The following SLC41A2 variants were observed in gnomAD, a reference collection of about 807,000 sequenced individuals.
SLC41A2 encodes SLC41A1-like 1.
SLC41A2 carries 32 observed loss-of-function variants against 58.3 expected under a neutral mutation model. The observed-to-expected ratio is 0.55, with a 90% CI of 0.41 to 0.74. SLC41A2 has a LOEUF of 0.74. SLC41A2 is among the 30% of genes least tolerant of loss of function. The pLI is 0.00. For synonymous variants in SLC41A2, 190 were observed against 235.0 expected (o/e 0.81, Z 1.75); for missense variants, 514 against 680.6 (o/e 0.76, Z 2.72).
chr12:104,881,917 T>G (rs1307591193), intron 6 of SLC41A2, among the ~76,000 whole-genome samples: 1 of 152,198 alleles, frequency 6.6e-6, no homozygotes, highest in East Asian at 1.9e-4. Flanking sequence ...CAGTGGGGTG[T>G]TAAAATCTCC....
At chr12:104,908,534 G>A (rs572850679) in intron 3 of SLC41A2, among the ~76,000 whole-genome samples, 10 of 152,024 alleles carry the variant, frequency 6.6e-5, no homozygotes, top group African/African-American at 2.2e-4. Context: ...TTCTTTAAAG[G>A]AAAAAAACTT....
intron 2 of SLC41A2, among the ~76,000 whole-genome samples, chr12:104,911,486 G>T (rs1282078950): frequency 6.6e-6 from 1 of 152,118 alleles, no homozygotes; most frequent in East Asian, 1.9e-4. Context: ...CATTTTACAA[G>T]TGCTATTAAG....
In SLC41A2 at chr12:104,881,680, T is replaced by C. The variant is rs146598542; in HGVS notation, c.1027+4613A>G. Among the ~76,000 whole-genome samples, 36 of 152,266 alleles carry C rather than the reference T, an allele frequency of 2.4e-4. No homozygotes were observed. The East Asian group carries it at 4.8e-3, about 20-fold the overall frequency. ...AATGATTGCACTGTGGTCTGAGAGA[T>C]AGTTTGTTATGATTTCTGTTCTTTC... On this transcript the variant is annotated intron_variant, in intron 6 of 10. Transcript: ENST00000258538.
intron 10 of SLC41A2, among the ~76,000 whole-genome samples, chr12:104,827,936 G>A (rs1261325481): frequency 6.6e-6 from 1 of 151,804 alleles, no homozygotes; most frequent in Non-Finnish European, 1.5e-5. Flanking sequence ...GTGTAGAGGA[G>A]GGCATAGTCC....
chr12:104,808,102 T>A (rs1459526041), intron 10 of SLC41A2, among the ~76,000 whole-genome samples: 1 of 152,190 alleles, frequency 6.6e-6, no homozygotes, highest in Non-Finnish European at 1.5e-5. Context: ...TCCAACACTA[T>A]GTTGAATAGG....
At chr12:104,908,483 T>C (rs573368405) in intron 3 of SLC41A2, among the ~76,000 whole-genome samples, 1 of 152,322 alleles carries the variant, frequency 6.6e-6, no homozygotes, top group South Asian at 2.1e-4. Flanking sequence ...ACATAAATTT[T>C]TTCCTAATTG....
chr12:104,837,101 A>G (rs1438753048), intron 10 of SLC41A2, among the ~76,000 whole-genome samples: 1 of 152,170 alleles, frequency 6.6e-6, no homozygotes, highest in Non-Finnish European at 1.5e-5. Flanking sequence ...CTGTTAATTA[A>G]ATCACAGAGG....
At chr12:104,881,100 C>A (rs1282885902) in intron 6 of SLC41A2, among the ~76,000 whole-genome samples, 1 of 152,106 alleles carries the variant, frequency 6.6e-6, no homozygotes, top group Non-Finnish European at 1.5e-5. Flanking sequence ...AGTTTATTTG[C>A]GTAGAGGTGT....
chr12:104,876,187 T>C (rs2044032843), intron 6 of SLC41A2, among the ~76,000 whole-genome samples: 1 of 152,154 alleles, frequency 6.6e-6, no homozygotes, highest in Non-Finnish European at 1.5e-5. Flanking sequence ...GCTAAGGCTT[T>C]GTCACTCTTA....
At chr12:104,868,301 T>G (rs2043576458) in intron 6 of SLC41A2, among the ~76,000 whole-genome samples, 1 of 152,124 alleles carries the variant, frequency 6.6e-6, no homozygotes, top group Non-Finnish European at 1.5e-5. Flanking sequence ...TGAAAACCAC[T>G]AAACACAAAT....
chr12:104,865,165 T>C (rs2043377749), intron 7 of SLC41A2, among the ~76,000 whole-genome samples: 2 of 152,156 alleles, frequency 1.3e-5, no homozygotes, highest in Non-Finnish European at 2.9e-5. Context: ...AAATGAATTA[T>C]CTAATTTTTT....
Position 104,804,646 on chromosome 12 carries a change from A to G in SLC41A2, c.*506T>C, listed in dbSNP as rs1304899509. On this transcript the variant is annotated 3_prime_UTR_variant, in exon 11 of 11. Coordinates refer to ENST00000258538, the MANE Select transcript of SLC41A2 (RefSeq NM_001352171.3). ...GCAAAACATATTTAGGTCAGTTTAAATATGAGCAACTGGTAAATTTATCCT... is the reference window on the plus strand; with the variant it reads ...GCAAAACATATTTAGGTCAGTTTAAGTATGAGCAACTGGTAAATTTATCCT... 1 of 152,682 alleles carries G rather than the reference A, an allele frequency of 6.5e-6. No individual in the cohort carries two copies. The highest frequency in any genetic ancestry group is 1.5e-5 in the Non-Finnish European group (1 of 68,202). 9.5% of individuals were successfully genotyped at this position (152,682 alleles called of 1,614,324 possible).
At chr12:104,922,083 C>T (rs1236300349) in intron 2 of SLC41A2, among the ~76,000 whole-genome samples, 5 of 151,706 alleles carry the variant, frequency 3.3e-5, no homozygotes, top group African/African-American at 1.2e-4. Flanking sequence ...AAATCACAAA[C>T]GAATCACAGA....
chr12:104,818,170 A>G (rs1046033735), intron 10 of SLC41A2, among the ~76,000 whole-genome samples: 3 of 152,216 alleles, frequency 2.0e-5, no homozygotes, highest in Admixed American at 1.3e-4. Flanking sequence ...CGGTGTAAAT[A>G]GTCATATGAC....
intron 2 of SLC41A2, among the ~76,000 whole-genome samples, chr12:104,919,582 T>C (rs1367098294): frequency 6.6e-6 from 1 of 152,232 alleles, no homozygotes; most frequent in East Asian, 1.9e-4. Flanking sequence ...TTCATTTGCA[T>C]TTCTCTAATG....
intron 1 of SLC41A2, among the ~76,000 whole-genome samples, chr12:104,934,592 T>C (rs2047191489): frequency 6.6e-6 from 1 of 152,222 alleles, no homozygotes; most frequent in Admixed American, 6.5e-5. Flanking sequence ...CATGTTCATT[T>C]CAGTATTGTT....
chr12:104,911,229 T>C (rs139786669), intron 2 of SLC41A2, among the ~76,000 whole-genome samples: 2 of 152,298 alleles, frequency 1.3e-5, no homozygotes, highest in East Asian at 3.9e-4. Flanking sequence ...CTGTAACTTC[T>C]GTCCCCCAAA....
intron 8 of SLC41A2, among the ~76,000 whole-genome samples, chr12:104,855,982 C>A (rs1029953190): frequency 1.1e-5 from 1 of 88,312 alleles, no homozygotes; most frequent in African/African-American, 5.3e-5. Context: ...AGGGATAAAG[C>A]CATGAAATGA....
chr12:104,824,060 G>T (rs1377599948), intron 10 of SLC41A2, among the ~76,000 whole-genome samples: 1 of 152,170 alleles, frequency 6.6e-6, no homozygotes, highest in East Asian at 1.9e-4. Flanking sequence ...TGATACGGAA[G>T]AGGTGAAGGG....
Sources: allele counts gnomAD v4.1 joint callset (sites outside exome capture counted in the v4.1 genomes callset), GRCh38; gene constraint gnomAD v4.1.1; transcripts MANE v1.5; gene names NCBI Gene and HGNC (gene_info 2026-07-23, HGNC 2026-07-21).